The following AP1S3 variants were observed in gnomAD, a reference collection of about 807,000 sequenced individuals.
The protein encoded by AP1S3 is adaptor related protein complex 1 subunit sigma 3.
In AP1S3, 10 loss-of-function variants were observed where a neutral mutation model predicts 20.9. The observed-to-expected ratio is 0.48, with a 90% confidence interval of 0.29 to 0.81. The LOEUF is 0.81. Ranked by LOEUF, AP1S3 falls within the 30% of genes least tolerant of loss-of-function variation. AP1S3 has a pLI of 0.08. For missense variants in AP1S3, 154 were observed against 183.8 expected, an observed-to-expected ratio of 0.84 and a Z score of 0.94; for synonymous variants, 41 against 61.5, an observed-to-expected ratio of 0.67 and a Z score of 1.56.
chr2:223,783,835 C>A (rs572838899), intron 1 of AP1S3, among the ~76,000 whole-genome samples: 24 of 152,288 alleles, frequency 1.6e-4, no homozygotes, highest in African/African-American at 5.8e-4. Flanking sequence ...CAGACAAATA[C>A]TCAGGCTGTG....
At chr2:223,758,844 T>C in intron 4 of AP1S3, 94 bp from the exon 5 acceptor site, 1 of 1,130,726 alleles carries the variant, frequency 8.8e-7, no homozygotes, top group South Asian at 1.6e-5. Flanking sequence ...TTATTTGCCA[T>C]TGTTGAAAAC....
intron 1 of AP1S3, among the ~76,000 whole-genome samples, chr2:223,797,312 A>C (rs1184900208): frequency 6.6e-6 from 1 of 152,216 alleles, no homozygotes; most frequent in African/African-American, 2.4e-5. Context: ...CACAAGCTCC[A>C]ACGAAAGCCG....
chr2:223,765,045 C>A, intron 4 of AP1S3, 168 bp downstream of exon 4: 3 of 996,376 alleles, frequency 3.0e-6, no homozygotes, highest in South Asian at 2.6e-5. Flanking sequence ...ATACCACCTA[C>A]TTTTTCGAGT....
chr2:223,798,719 C>T (rs998501895), intron 1 of AP1S3, among the ~76,000 whole-genome samples: 1 of 152,130 alleles, frequency 6.6e-6, no homozygotes, highest in African/African-American at 2.4e-5. Flanking sequence ...ATTGTGTCCC[C>T]TAAATTCATA....
intron 1 of AP1S3, among the ~76,000 whole-genome samples, chr2:223,821,602 C>T (rs1470020412): frequency 6.6e-6 from 1 of 152,204 alleles, no homozygotes; most frequent in African/African-American, 2.4e-5. Context: ...CAGCTAGACA[C>T]ACAGAGATTT....
chr2:223,778,435 T>C (rs1481712786), intron 1 of AP1S3, among the ~76,000 whole-genome samples: 2 of 151,932 alleles, frequency 1.3e-5, no homozygotes, highest in Non-Finnish European at 2.9e-5. Context: ...TTTATTGTAA[T>C]TCTTTTTAAG....
In AP1S3 at chr2:223,757,609, A is replaced by C; in HGVS notation, c.*1106T>G. The C allele has an allele frequency of 1.0e-5, 10 of 985,384 alleles. No homozygotes were observed. The highest frequency in any genetic ancestry group is 1.2e-5 in the Non-Finnish European group (10 of 829,932). The allele number at this position is 985,384 out of a possible 1,614,324, so 61.0% of individuals were successfully genotyped here. Reference sequence around the variant, plus strand: ...GGCCTACAAGCTATTTCCCTGTAATATGTCTGATCACTGTTAGGACCTGGT... The same window carrying C: ...GGCCTACAAGCTATTTCCCTGTAATCTGTCTGATCACTGTTAGGACCTGGT... On this transcript the variant is annotated 3_prime_UTR_variant, in exon 5 of 5. Coordinates refer to ENST00000396654, the MANE Select transcript of AP1S3 (RefSeq NM_001039569.2).
At chr2:223,778,990 C>A (rs921350450) in intron 1 of AP1S3, among the ~76,000 whole-genome samples, 3 of 152,172 alleles carry the variant, frequency 2.0e-5, no homozygotes, top group African/African-American at 7.2e-5. Context: ...TAAGCCACAA[C>A]ATCCAGCCTT....
intron 4 of AP1S3, among the ~76,000 whole-genome samples, chr2:223,763,199 C>G (rs188207117): frequency 2.6e-5 from 4 of 152,310 alleles, no homozygotes; most frequent in Admixed American, 1.3e-4. Context: ...GGGCTAAATG[C>G]AAGGTCCCCT....
chr2:223,808,292 A>G (rs906332015), intron 1 of AP1S3, among the ~76,000 whole-genome samples: 3 of 152,122 alleles, frequency 2.0e-5, no homozygotes, highest in African/African-American at 7.2e-5. Flanking sequence ...ATGAGGCAAC[A>G]TTAACTCGGC....
At chr2:223,786,904 C>CA (rs1215449582) in intron 1 of AP1S3, among the ~76,000 whole-genome samples, 3 of 150,334 alleles carry the variant, frequency 2.0e-5, no homozygotes, top group Admixed American at 6.6e-5. Context: ...GACCCTGTCT[C>CA]AAAAAAACAA....
At chr2:223,798,027 G>A (rs772231391) in intron 1 of AP1S3, among the ~76,000 whole-genome samples, 4 of 152,144 alleles carry the variant, frequency 2.6e-5, no homozygotes, top group Admixed American at 6.5e-5. Flanking sequence ...TATCTCAGCC[G>A]AATATTACTG....
intron 1 of AP1S3, among the ~76,000 whole-genome samples, chr2:223,797,757 C>A (rs1019326254): frequency 6.6e-6 from 1 of 152,072 alleles, no homozygotes; most frequent in Non-Finnish European, 1.5e-5. Context: ...AAGAGCAAAA[C>A]TCCGTCTCAA....
chr2:223,834,496 A>G lies in AP1S3; in HGVS notation c.3+2952T>C, dbSNP rs142899097. Among the ~76,000 whole-genome samples, 914 of 152,288 alleles carry G rather than the reference A, an allele frequency of 6.0e-3. 10 individuals carry two copies. Among genetic ancestry groups the G allele is most frequent in the African/African-American group, 0.021 (862 of 41,546 alleles). The stretch of plus-strand genomic sequence containing the variant: ...TCCCAGCTACATGGAAGGCTGAGGT[A>G]GGAGGATGCCTTGAGTCCACTGGGT... On this transcript the variant is annotated intron_variant, in intron 1 of 4. Transcript: ENST00000396654.
chr2:223,793,810 T>A (rs966389254), intron 1 of AP1S3, among the ~76,000 whole-genome samples: 2 of 152,090 alleles, frequency 1.3e-5, no homozygotes, highest in Non-Finnish European at 2.9e-5. Flanking sequence ...AATACGTTTT[T>A]TTTTTGTTTG....
rs531011005 is a variant in AP1S3, at chr2:223,756,794, C to T, written c.*1921G>A. 12 of 985,134 alleles carry T rather than the reference C, an allele frequency of 1.2e-5. No homozygotes were observed. Among genetic ancestry groups the T allele is most frequent in the East Asian group, 1.1e-4 (1 of 8,814 alleles). 61.0% of individuals were successfully genotyped at this position (985,134 alleles called of 1,614,324 possible). A position where few individuals can be genotyped will look rare whatever the true frequency, so the allele number is the denominator to read the frequency against. On this transcript the variant is annotated 3_prime_UTR_variant, in exon 5 of 5. Coordinates refer to ENST00000396654, the MANE Select transcript of AP1S3 (RefSeq NM_001039569.2). ...TGAACTAAAGAGAACATTTTTCCATCGAGTTCTCTAAAAATCTACCAGATG... is the reference window on the plus strand; with the variant it reads ...TGAACTAAAGAGAACATTTTTCCATTGAGTTCTCTAAAAATCTACCAGATG...
intron 3 of AP1S3, among the ~76,000 whole-genome samples, chr2:223,770,981 C>A (rs574458169): frequency 3.3e-5 from 5 of 152,030 alleles, no homozygotes; most frequent in Non-Finnish European, 7.4e-5. Flanking sequence ...TGATCCCCCC[C>A]ACCTTGGCCT....
intron 4 of AP1S3, among the ~76,000 whole-genome samples, chr2:223,762,032 G>A (rs1690366573): frequency 6.6e-6 from 1 of 151,466 alleles, no homozygotes; most frequent in Non-Finnish European, 1.5e-5. Context: ...GAGTGCAGTG[G>A]CATGATCTCG....
At chr2:223,814,398 T>G (rs1052617921) in intron 1 of AP1S3, among the ~76,000 whole-genome samples, 4 of 152,170 alleles carry the variant, frequency 2.6e-5, no homozygotes, top group African/African-American at 7.2e-5. Context: ...GCAAAGACCA[T>G]GTCCACTACA....
Sources: allele counts gnomAD v4.1 joint callset (sites outside exome capture counted in the v4.1 genomes callset), GRCh38; gene constraint gnomAD v4.1.1; transcripts MANE v1.5; gene names NCBI Gene and HGNC (gene_info 2026-07-23, HGNC 2026-07-21).